The following RORA variants were observed in gnomAD, a reference collection of about 807,000 sequenced individuals.
RORA encodes nuclear receptor ROR-alpha.
RORA carries 7 observed loss-of-function variants against 69.5 expected under a neutral mutation model. The ratio of observed to expected loss-of-function variants is 0.10; its 90% CI spans 0.06 to 0.19. The LOEUF is 0.19. RORA is among the 10% of genes least tolerant of loss of function. RORA has a pLI of 1.00. For synonymous variants in RORA, 261 were observed against 240.8 expected, an observed-to-expected ratio of 1.08 and a Z score of -0.78; for missense variants, 457 against 663.0, an observed-to-expected ratio of 0.69 and a Z score of 3.41.
intron 2 of RORA, among the ~76,000 whole-genome samples, chr15:60,567,274 A>C (rs2067740925): frequency 6.6e-6 from 1 of 151,554 alleles, no homozygotes; most frequent in African/African-American, 2.4e-5. Flanking sequence ...TTTCCAAAGC[A>C]TATGTGCCGT....
At chr15:60,924,316 G>A (rs1373660798) in intron 1 of RORA, among the ~76,000 whole-genome samples, 1 of 93,024 alleles carries the variant, frequency 1.1e-5, no homozygotes, top group Non-Finnish European at 2.8e-5. Context: ...CAACTGAGAG[G>A]AGTACTCTTC....
intron 1 of RORA, among the ~76,000 whole-genome samples, chr15:61,039,531 G>C (rs1012811092): frequency 6.6e-6 from 1 of 151,932 alleles, no homozygotes; most frequent in African/African-American, 2.4e-5. Context: ...AGATCACGAG[G>C]TCAGGAGTTC....
intron 1 of RORA, among the ~76,000 whole-genome samples, chr15:61,024,761 T>G (rs1020900600): frequency 6.6e-6 from 1 of 151,742 alleles, no homozygotes; most frequent in Non-Finnish European, 1.5e-5. Context: ...TGGCTACATT[T>G]TGTATTTTTT....
intron 1 of RORA, among the ~76,000 whole-genome samples, chr15:61,227,406 C>T (rs2080157074): frequency 6.6e-6 from 1 of 152,166 alleles, no homozygotes; most frequent in South Asian, 2.1e-4. Context: ...CATCCCCTTC[C>T]CTTTTGTCCC....
intron 1 of RORA, among the ~76,000 whole-genome samples, chr15:60,916,946 C>T (rs535498447): frequency 6.6e-6 from 1 of 152,284 alleles, no homozygotes; most frequent in East Asian, 1.9e-4. Flanking sequence ...CTAATTTGGG[C>T]CAGTTCTACA....
At chr15:60,870,925 T>A (rs2073548382) in intron 1 of RORA, among the ~76,000 whole-genome samples, 2 of 152,230 alleles carry the variant, frequency 1.3e-5, no homozygotes, top group Admixed American at 1.3e-4. Flanking sequence ...AAGTATTTTT[T>A]AAACAACTTC....
chr15:60,582,727 A>ATATAT (rs1166383199), intron 2 of RORA, among the ~76,000 whole-genome samples: 2 of 152,244 alleles, frequency 1.3e-5, no homozygotes, highest in Non-Finnish European at 2.9e-5. Context: ...CTGTAAGAGC[A>ATATAT]CAGCCTGGGC....
intron 1 of RORA, among the ~76,000 whole-genome samples, chr15:61,038,025 G>A (rs1248758618): frequency 1.3e-5 from 2 of 152,078 alleles, no homozygotes; most frequent in South Asian, 2.1e-4. Context: ...TTTAAGATTT[G>A]ATTAAATGTT....
At chr15:60,774,589 T>C (rs1209598106) in intron 1 of RORA, among the ~76,000 whole-genome samples, 2 of 152,212 alleles carry the variant, frequency 1.3e-5, no homozygotes, top group African/African-American at 2.4e-5. Context: ...CGGCTACCAG[T>C]CTTAGTGGTA....
chr15:60,819,634 G>A (rs1185793898), intron 1 of RORA, among the ~76,000 whole-genome samples: 1 of 152,034 alleles, frequency 6.6e-6, no homozygotes, highest in Non-Finnish European at 1.5e-5. Flanking sequence ...TGGGTGGGAG[G>A]AATGCAGTAC....
chr15:60,614,938 TTAA>T (rs2069192532), intron 2 of RORA: 1 of 1,613,886 alleles, frequency 6.2e-7, no homozygotes, highest in African/African-American at 1.3e-5. Context: ...CTCCCTTAAA[TTAA>T]TAAAGTTCTT....
In RORA at chr15:60,579,057, G is replaced by A. The variant is rs981989447; in HGVS notation, c.197-47206C>T. On this transcript the variant is annotated intron_variant, in intron 2 of 10. Coordinates refer to ENST00000335670, the MANE Select transcript of RORA (RefSeq NM_134261.3). ...GCTGGGATTACAGGTGTGAGCCACC[G>A]CGCCCGGTTTTTTTTTTTTTTTTTT... is the stretch of plus-strand genomic sequence containing the variant. Among the ~76,000 whole-genome samples, 36 of 146,802 alleles carry A rather than the reference G, an allele frequency of 2.5e-4. No homozygotes were observed. In the East Asian group the frequency reaches 5.3e-3, roughly 21 times the overall value.
chr15:60,861,855 A>G (rs1567217360), intron 1 of RORA, among the ~76,000 whole-genome samples: 1 of 152,186 alleles, frequency 6.6e-6, no homozygotes, highest in African/African-American at 2.4e-5. Flanking sequence ...TGGAAGCATC[A>G]TGACACTAAA....
At chr15:61,153,264 C>A (rs545022173) in intron 1 of RORA, among the ~76,000 whole-genome samples, 1 of 152,246 alleles carries the variant, frequency 6.6e-6, no homozygotes, top group South Asian at 2.1e-4. Flanking sequence ...AAGATGAACC[C>A]ATTTTTAGTA....
chr15:60,898,487 G>C (rs916157819), intron 1 of RORA, among the ~76,000 whole-genome samples: 1 of 148,490 alleles, frequency 6.7e-6, no homozygotes, highest in Non-Finnish European at 1.5e-5. Flanking sequence ...AACACAGTGA[G>C]ACATTGTCTC....
intron 1 of RORA, among the ~76,000 whole-genome samples, chr15:60,972,006 CA>C (rs1182228202): frequency 6.6e-6 from 1 of 152,200 alleles, no homozygotes; most frequent in Non-Finnish European, 1.5e-5. Context: ...TGGATGGGGT[CA>C]TGCCTCCCGA....
At chr15:61,132,509 T>A (rs1366516293) in intron 1 of RORA, among the ~76,000 whole-genome samples, 1 of 152,236 alleles carries the variant, frequency 6.6e-6, no homozygotes, top group Non-Finnish European at 1.5e-5. Context: ...ATATTATTTT[T>A]ATAGTAATCA....
chr15:60,863,959 A>G (rs1301260978), intron 1 of RORA, among the ~76,000 whole-genome samples: 1 of 152,106 alleles, frequency 6.6e-6, no homozygotes, highest in Non-Finnish European at 1.5e-5. Flanking sequence ...GGTGCGTGCC[A>G]CTGTGCCCAG....
At chr15:60,685,042 CT>C (rs1453301204) in intron 1 of RORA, among the ~76,000 whole-genome samples, 10 of 152,204 alleles carry the variant, frequency 6.6e-5, no homozygotes, top group African/African-American at 2.4e-4. Flanking sequence ...TATAGTACCT[CT>C]TTCCTACTAA....
Sources: gnomAD v4.1 joint callset for allele counts (sites outside exome capture counted in the v4.1 genomes callset) on GRCh38, gnomAD v4.1.1 for gene constraint, MANE v1.5 for transcripts, NCBI Gene and HGNC (gene_info 2026-07-23, HGNC 2026-07-21) for gene names.